The following LAMA2 variants were observed in gnomAD, a reference collection of about 807,000 sequenced individuals.
LAMA2 encodes the protein laminin subunit alpha 2, also known as laminin subunit alpha-2.
In LAMA2, 269 loss-of-function variants were observed where a neutral mutation model predicts 364.8. The observed-to-expected ratio is 0.74, with a 90% CI of 0.67 to 0.82. LAMA2 has a LOEUF of 0.82. Among genes scored for constraint, LAMA2 ranks in the 40% least tolerant of loss-of-function variants. The pLI, the probability that LAMA2 is intolerant of heterozygous loss-of-function variation, is 0.00. For synonymous variants in LAMA2, 1,379 were observed against 1,370.6 expected, an observed-to-expected ratio of 1.01 and a Z score of -0.14; for missense variants, 3,807 against 3,873.2, an observed-to-expected ratio of 0.98 and a Z score of 0.45.
At chr6:128,929,837 T>A (rs1302670593) in intron 1 of LAMA2, 4 of 1,030,920 alleles carry the variant, frequency 3.9e-6, no homozygotes, top group Non-Finnish European at 6.1e-6. Flanking sequence ...CAGTCCCTTG[T>A]AAGTGAAAAA....
intron 34 of LAMA2, among the ~76,000 whole-genome samples, chr6:129,377,152 G>A (rs1284646297): frequency 6.6e-6 from 1 of 151,976 alleles, no homozygotes; most frequent in East Asian, 1.9e-4. Context: ...TTCTGTAAGG[G>A]GAGAATGCTA....
intron 8 of LAMA2, among the ~76,000 whole-genome samples, chr6:129,160,453 A>T (rs1003364916): frequency 6.6e-6 from 1 of 152,096 alleles, no homozygotes; most frequent in African/African-American, 2.4e-5. Context: ...TGTAATTTTT[A>T]AAATGATTAA....
At chr6:129,105,160 A>C (rs1206891599) in intron 4 of LAMA2, among the ~76,000 whole-genome samples, 1 of 152,106 alleles carries the variant, frequency 6.6e-6, no homozygotes, top group African/African-American at 2.4e-5. Context: ...CCCTAATAGG[A>C]GTTGCAGGGT....
chr6:129,192,254 G>C, intron 11 of LAMA2, among the ~76,000 whole-genome samples: 1 of 152,112 alleles, frequency 6.6e-6, no homozygotes, highest in East Asian at 1.9e-4. Context: ...TACTTTTTCA[G>C]GTTGTTTTTT....
intron 12 of LAMA2, among the ~76,000 whole-genome samples, chr6:129,225,011 G>T (rs1008359677): frequency 1.2e-4 from 19 of 152,068 alleles, no homozygotes; most frequent in African/African-American, 3.4e-4. Flanking sequence ...CAATTTCAGA[G>T]CCTGTTATTG....
intron 29 of LAMA2, among the ~76,000 whole-genome samples, chr6:129,340,661 C>T (rs1271454245): frequency 6.6e-6 from 1 of 151,484 alleles, no homozygotes; most frequent in Non-Finnish European, 1.5e-5. Flanking sequence ...CATGGTGAAA[C>T]CCCATCTCTA....
At position 129,320,655 on chromosome 6, in the gene LAMA2, G is replaced by A. The variant is rs1774911029; in HGVS notation, c.4176G>A (p.Glu1392=). 7.7e-6 allele frequency: 12 copies of A among 1,564,242 alleles called. No homozygotes were observed. The highest frequency in any genetic ancestry group is 1.1e-5 in the Non-Finnish European group (12 of 1,134,636). ...CPLGYSGLSC[E]ACLPGFYRLR... ...TGGGCTATTCTGGCCTGTCCTGTGA[G>A]GTAAGCTACCTCCTACTAACCTGCT... Residue 1392 remains glutamate (E), a splice_region_variant and synonymous_variant, in exon 28 of 65, where the codon GAG becomes GAA. Transcript: ENST00000421865.
At chr6:129,403,293 T>G (rs1234577078) in intron 39 of LAMA2, among the ~76,000 whole-genome samples, 2 of 152,204 alleles carry the variant, frequency 1.3e-5, no homozygotes, top group Non-Finnish European at 2.9e-5. Flanking sequence ...TGCCACTTTA[T>G]AATGAAGGGT....
intron 35 of LAMA2, among the ~76,000 whole-genome samples, chr6:129,386,229 A>T (rs1003720472): frequency 1.3e-5 from 2 of 152,154 alleles, no homozygotes; most frequent in African/African-American, 4.8e-5. Flanking sequence ...ATACTGTGGG[A>T]AAGAAAATAT....
intron 1 of LAMA2, among the ~76,000 whole-genome samples, chr6:128,910,135 A>G (rs924266573): frequency 2.6e-5 from 4 of 151,836 alleles, no homozygotes; most frequent in African/African-American, 9.7e-5. Flanking sequence ...TTTTCTCGAG[A>G]AGTATCTTTG....
At position 129,313,609 on chromosome 6, in the gene LAMA2, G is replaced by C. The variant is rs555164260; in HGVS notation, c.3411+512G>C. Reference sequence around the variant, plus strand: ...AAACAGTGACTATGTGCAAATTTCAGCCCTCATTAATATGGTTAAATGATG... The same window carrying C: ...AAACAGTGACTATGTGCAAATTTCACCCCTCATTAATATGGTTAAATGATG... On this transcript the variant is annotated intron_variant, in intron 23 of 64. Coordinates refer to ENST00000421865, the MANE Select transcript of LAMA2 (RefSeq NM_000426.4). Among the ~76,000 whole-genome samples the C allele has an allele frequency of 1.2e-3, 183 of 152,268 alleles. 3 individuals are homozygous for C. The highest frequency in any genetic ancestry group is 1.9e-4 in the Non-Finnish European group (13 of 68,026).
intron 3 of LAMA2, among the ~76,000 whole-genome samples, chr6:129,080,557 A>G (rs1773979565): frequency 6.6e-6 from 1 of 152,222 alleles, no homozygotes; most frequent in Admixed American, 6.5e-5. Flanking sequence ...AAAAAATCAA[A>G]CTACCCCATC....
chr6:129,495,629 G>T (rs1785130561), intron 58 of LAMA2, among the ~76,000 whole-genome samples: 1 of 152,140 alleles, frequency 6.6e-6, no homozygotes, highest in African/African-American at 2.4e-5. Context: ...AGGTCTCTCA[G>T]CCTGTGCTGG....
chr6:129,297,459 T>C (rs375453146), intron 20 of LAMA2, among the ~76,000 whole-genome samples: 17 of 152,292 alleles, frequency 1.1e-4, no homozygotes, highest in African/African-American at 4.1e-4. Flanking sequence ...AGCGCCTAAT[T>C]CTGCAGTTAA....
At chr6:129,502,046 T>TGAACAGTGGCAG (rs1456607472) in intron 58 of LAMA2, among the ~76,000 whole-genome samples, 1 of 152,210 alleles carries the variant, frequency 6.6e-6, no homozygotes, top group Non-Finnish European at 1.5e-5. Flanking sequence ...AAGCTGATCT[T>TGAACAGTGGCAG]TGAACAGTGG....
intron 12 of LAMA2, among the ~76,000 whole-genome samples, chr6:129,215,075 T>C (rs1269260296): frequency 2.0e-5 from 3 of 152,178 alleles, no homozygotes; most frequent in Non-Finnish European, 4.4e-5. Context: ...CCAATTTTCT[T>C]TGCTAATATA....
intron 3 of LAMA2, among the ~76,000 whole-genome samples, chr6:129,073,526 G>A (rs919043338): frequency 4.6e-5 from 7 of 151,968 alleles, no homozygotes; most frequent in African/African-American, 1.2e-4. Context: ...ACCGTTTGCC[G>A]TGCTCATTAT....
chr6:129,497,652 A>G (rs1027532281), intron 58 of LAMA2, among the ~76,000 whole-genome samples: 2 of 151,486 alleles, frequency 1.3e-5, no homozygotes, highest in South Asian at 4.2e-4. Context: ...GACAGAAAAG[A>G]TCTATTCTCA....
At chr6:129,015,466 T>A (rs972849298) in intron 1 of LAMA2, among the ~76,000 whole-genome samples, 1 of 152,138 alleles carries the variant, frequency 6.6e-6, no homozygotes, top group Non-Finnish European at 1.5e-5. Flanking sequence ...AGTAAAGTAA[T>A]ATCCACAAGC....
Sources: gnomAD v4.1 joint callset for allele counts (sites outside exome capture counted in the v4.1 genomes callset) on GRCh38, gnomAD v4.1.1 for gene constraint, MANE v1.5 for transcripts, NCBI Gene and HGNC (gene_info 2026-07-23, HGNC 2026-07-21) for gene names.